Variants in DPF3 observed in about 807,000 individuals in gnomAD.
The protein encoded by DPF3 is zinc finger protein DPF3.
DPF3 carries 18 observed loss-of-function variants against 56.8 expected under a neutral mutation model. The ratio of observed to expected loss-of-function variants is 0.32; its 90% CI spans 0.22 to 0.47. DPF3 has a LOEUF of 0.47. DPF3 is among the 20% of genes least tolerant of loss of function. The probability of loss-of-function intolerance (pLI) is 1.00; values close to 1 mark genes in which losing one functional copy is unlikely to be tolerated. For missense variants in DPF3, 403 were observed against 488.8 expected (o/e 0.82, Z 1.65); for synonymous variants, 188 against 180.2 (o/e 1.04, Z -0.35).
chr14:72,671,425 C>G, intron 8 of DPF3: 1 of 1,505,662 alleles, frequency 6.6e-7, no homozygotes, highest in Non-Finnish European at 9.2e-7. Context: ...CAATGCTATT[C>G]TTAATAGCAA....
intron 6 of DPF3, among the ~76,000 whole-genome samples, chr14:72,708,900 G>T (rs1888535457): frequency 6.6e-6 from 1 of 152,202 alleles, no homozygotes; most frequent in African/African-American, 2.4e-5. Context: ...ACTGTGTGGG[G>T]AAGGAGTGCT....
chr14:72,832,753 C>G lies in DPF3; in HGVS notation c.33-60860G>C, dbSNP rs139355317. Among the ~76,000 whole-genome samples, 407 of 152,328 alleles carry G rather than the reference C, an allele frequency of 2.7e-3. 1 individual carries two copies. The highest frequency in any genetic ancestry group is 9.3e-3 in the African/African-American group (387 of 41,574). ...TCAAAATCCACATCCAACCCACACTCACCATGTTCTCTATCCATATTAGTA... is the reference window on the plus strand; with the variant it reads ...TCAAAATCCACATCCAACCCACACTGACCATGTTCTCTATCCATATTAGTA... On this transcript the variant is annotated intron_variant, in intron 1 of 10. Coordinates refer to ENST00000556509, the MANE Select transcript of DPF3 (RefSeq NM_001280542.3).
chr14:72,750,791 CAA>C (rs35754238), intron 3 of DPF3, among the ~76,000 whole-genome samples: 1,608 of 65,906 alleles, frequency 0.024, 35 homozygotes, highest in African/African-American at 0.094. Context: ...GAAAGAATCT[CAA>C]AAAAAAAAAA....
intron 3 of DPF3, among the ~76,000 whole-genome samples, chr14:72,750,245 C>T (rs576061842): frequency 3.9e-4 from 60 of 152,224 alleles, no homozygotes; most frequent in African/African-American, 1.4e-3. Context: ...GCTGGACCCA[C>T]AAAAATTGCT....
intron 8 of DPF3, among the ~76,000 whole-genome samples, chr14:72,668,822 A>G (rs1886544710): frequency 1.3e-5 from 2 of 152,360 alleles, no homozygotes; most frequent in Middle Eastern, 6.8e-3. Context: ...TATCAATGAA[A>G]GCAAGTTGTA....
At chr14:72,683,834 T>A (rs1599354458) in intron 7 of DPF3, among the ~76,000 whole-genome samples, 1 of 152,152 alleles carries the variant, frequency 6.6e-6, no homozygotes, top group African/African-American at 2.4e-5. Context: ...TGGCCACGCA[T>A]CCAGGTTTGA....
rs116754057 is a variant in DPF3 at position 72,678,963 on chromosome 14, G to A, written c.743-4595C>T. On this transcript the variant is annotated intron_variant, in intron 7 of 10. Transcript: ENST00000556509. The stretch of plus-strand genomic sequence containing the variant: ...TAGAAGAAAAATAACAGAAGGCAGG[G>A]AAGAGCATTCAGATAAATCAAAGCA... 3.3e-3 allele frequency among the ~76,000 whole-genome samples: 497 copies of A among 152,314 alleles called. 2 individuals carry two copies. Among genetic ancestry groups the A allele is most frequent in the African/African-American group, 0.011 (472 of 41,570 alleles).
chr14:72,750,386 T>C (rs1890515410), intron 3 of DPF3, among the ~76,000 whole-genome samples: 1 of 152,232 alleles, frequency 6.6e-6, no homozygotes, highest in Admixed American at 6.5e-5. Flanking sequence ...ATTAGTCTGA[T>C]ATAAATTGTT....
chr14:72,721,436 A>G (rs925979548), intron 5 of DPF3, among the ~76,000 whole-genome samples: 2 of 152,192 alleles, frequency 1.3e-5, no homozygotes, highest in Admixed American at 6.5e-5. Context: ...GGAGTTCACC[A>G]AAGGCCCAGG....
At chr14:72,652,189 C>T (rs371252218) in intron 8 of DPF3, among the ~76,000 whole-genome samples, 55 of 152,278 alleles carry the variant, frequency 3.6e-4, no homozygotes, top group African/African-American at 1.2e-3. Context: ...CAATAAAAGC[C>T]GGCACCACCT....
At chr14:72,732,229 A>G (rs1456573625) in intron 3 of DPF3, among the ~76,000 whole-genome samples, 1 of 152,214 alleles carries the variant, frequency 6.6e-6, no homozygotes, top group Non-Finnish European at 1.5e-5. Context: ...CAGCCATGAC[A>G]TCGGACAAGG....
chr14:72,728,796 A>T (rs559829705), intron 4 of DPF3, among the ~76,000 whole-genome samples: 1 of 152,324 alleles, frequency 6.6e-6, no homozygotes, highest in African/African-American at 2.4e-5. Context: ...AAGAAAACAG[A>T]CAATAAACAA....
intron 8 of DPF3, among the ~76,000 whole-genome samples, chr14:72,653,415 C>T (rs776407116): frequency 6.6e-6 from 1 of 152,146 alleles, no homozygotes; most frequent in Non-Finnish European, 1.5e-5. Context: ...AGGAGCCTAC[C>T]GACAAGGTGA....
chr14:72,711,019 C>G (rs534891667), intron 6 of DPF3, among the ~76,000 whole-genome samples: 1 of 152,302 alleles, frequency 6.6e-6, no homozygotes, highest in African/African-American at 2.4e-5. Flanking sequence ...CAATAATATT[C>G]AAGCCACCCA....
At chr14:72,753,148 C>T in intron 3 of DPF3, 116 bp downstream of exon 3, 1 of 856,282 alleles carries the variant, frequency 1.2e-6, no homozygotes, top group Non-Finnish European at 1.8e-6. Flanking sequence ...GGCATGTTCC[C>T]TCTCCCAGAA....
At chr14:72,845,761 C>T (rs1268483879) in intron 1 of DPF3, among the ~76,000 whole-genome samples, 1 of 152,188 alleles carries the variant, frequency 6.6e-6, no homozygotes, top group African/African-American at 2.4e-5. Flanking sequence ...AATCTATCCA[C>T]TGTGTGAATT....
intron 8 of DPF3, among the ~76,000 whole-genome samples, chr14:72,647,365 C>G (rs1885757220): frequency 6.6e-6 from 1 of 152,198 alleles, no homozygotes; most frequent in Admixed American, 6.5e-5. Flanking sequence ...GGACATCAAT[C>G]CATACTGGCC....
At chr14:72,884,940 C>CTATATATATATATATATATATATATG (rs1886458697) in intron 1 of DPF3, among the ~76,000 whole-genome samples, 5 of 29,602 alleles carry the variant, frequency 1.7e-4, no homozygotes, top group Non-Finnish European at 4.3e-4. Flanking sequence ...ACTAAAAATA[C>CTATATATATATATATATATATATATG]TATATATATA....
At chr14:72,720,125 C>T (rs1889104790) in intron 5 of DPF3, among the ~76,000 whole-genome samples, 1 of 151,996 alleles carries the variant, frequency 6.6e-6, no homozygotes, top group Admixed American at 6.6e-5. Context: ...CTTAGACTGC[C>T]TCTAGGTTCT....
Sources: gnomAD v4.1 joint callset for allele counts (sites outside exome capture counted in the v4.1 genomes callset) on GRCh38, gnomAD v4.1.1 for gene constraint, MANE v1.5 for transcripts, NCBI Gene and HGNC (gene_info 2026-07-23, HGNC 2026-07-21) for gene names.